The following MSRB3 variants were observed in gnomAD, a reference collection of about 807,000 sequenced individuals.
MSRB3 encodes methionine-R-sulfoxide reductase B3.
MSRB3 carries 13 observed loss-of-function variants against 21.0 expected under a neutral mutation model. The ratio of observed to expected loss-of-function variants is 0.62; its 90% CI spans 0.40 to 0.98. The LOEUF (loss-of-function observed/expected upper bound fraction) is 0.98, where lower values mean the gene tolerates loss of function less well. Ranked by LOEUF, MSRB3 falls within the 50% of genes least tolerant of loss-of-function variation. The pLI is 0.00. For synonymous variants in MSRB3, 87 were observed against 88.6 expected, an observed-to-expected ratio of 0.98 and a Z score of 0.10; for missense variants, 199 against 230.3, an observed-to-expected ratio of 0.86 and a Z score of 0.88.
At chr12:65,306,741 G>A (rs1873675473) in intron 1 of MSRB3, 5 of 711,240 alleles carry the variant, frequency 7.0e-6, no homozygotes, top group Non-Finnish European at 8.6e-6. Flanking sequence ...TGGCTATTTG[G>A]GTAGAAATAC....
At chr12:65,279,767 G>A (rs1434314863) in intron 1 of MSRB3, among the ~76,000 whole-genome samples, 2 of 152,156 alleles carry the variant, frequency 1.3e-5, no homozygotes, top group Non-Finnish European at 2.9e-5. Flanking sequence ...TTAAAAAGCA[G>A]TTATTTTAAA....
At chr12:65,385,906 T>G (rs747482521) in intron 5 of MSRB3, among the ~76,000 whole-genome samples, 4 of 151,900 alleles carry the variant, frequency 2.6e-5, no homozygotes, top group Non-Finnish European at 4.4e-5. Context: ...GTCTACCATC[T>G]AATTCTAACA....
intron 5 of MSRB3, among the ~76,000 whole-genome samples, chr12:65,388,523 A>ATTT (rs1423751152): frequency 6.6e-6 from 1 of 152,168 alleles, no homozygotes; most frequent in Non-Finnish European, 1.5e-5. Flanking sequence ...ATTTTATCTA[A>ATTT]ATCCACTTGT....
At chr12:65,461,983 A>G (rs1883350533) in intron 6 of MSRB3, among the ~76,000 whole-genome samples, 1 of 151,894 alleles carries the variant, frequency 6.6e-6, no homozygotes, top group Admixed American at 6.6e-5. Context: ...TCTACCTTCC[A>G]TGCTTTATAG....
At chr12:65,288,856 A>T (rs1057501173) in intron 1 of MSRB3, among the ~76,000 whole-genome samples, 1 of 152,212 alleles carries the variant, frequency 6.6e-6, no homozygotes, top group African/African-American at 2.4e-5. Context: ...AAACTTGGCT[A>T]ATTTGATGAT....
At chr12:65,315,449 C>T (rs1874230457) in intron 2 of MSRB3, among the ~76,000 whole-genome samples, 2 of 152,004 alleles carry the variant, frequency 1.3e-5, no homozygotes, top group South Asian at 4.2e-4. Context: ...GTGGGCAGAT[C>T]ACTTGAGGCC....
At chr12:65,447,195 CA>C (rs2136691242) in intron 5 of MSRB3, among the ~76,000 whole-genome samples, 1 of 152,250 alleles carries the variant, frequency 6.6e-6, no homozygotes, top group Non-Finnish European at 1.5e-5. Flanking sequence ...GCTAAGGATA[CA>C]AACCCATACT....
chr12:65,430,887 T>C (rs1485404231), intron 5 of MSRB3, among the ~76,000 whole-genome samples: 1 of 152,104 alleles, frequency 6.6e-6, no homozygotes, highest in Non-Finnish European at 1.5e-5. Flanking sequence ...TGCCACTTCA[T>C]ACAGGCAAGT....
At chr12:65,351,005 A>G (rs1277002200) in intron 4 of MSRB3, among the ~76,000 whole-genome samples, 10 of 151,260 alleles carry the variant, frequency 6.6e-5, no homozygotes, top group African/African-American at 2.4e-4. Context: ...TCAACAGAAT[A>G]TACATTTTTT....
chr12:65,463,355 T>C lies in MSRB3; in HGVS notation c.*33T>C, dbSNP rs766489653. 1 of 1,612,336 alleles carries C rather than the reference T, an allele frequency of 6.2e-7. No individual in the cohort carries two copies. The highest frequency in any genetic ancestry group is 2.2e-5 in the East Asian group (1 of 44,862). ...GAGAGTGATGGAAACAAAGTGTACTTAATGCACAGCTTATTAAAAAAATCA... is the reference window on the plus strand; with the variant it reads ...GAGAGTGATGGAAACAAAGTGTACTCAATGCACAGCTTATTAAAAAAATCA... On this transcript the variant is annotated 3_prime_UTR_variant, in exon 7 of 7. Transcript: ENST00000308259.
chr12:65,312,572 T>C (rs1005232446), intron 2 of MSRB3, among the ~76,000 whole-genome samples: 1 of 152,048 alleles, frequency 6.6e-6, no homozygotes, highest in African/African-American at 2.4e-5. Context: ...ACATATAATT[T>C]GTGGTTGTGA....
In MSRB3 at chr12:65,278,869, A is replaced by C. The variant is rs766592740; in HGVS notation, c.-52+4A>C. ...GCTCTGGGAAGTGCGCAGTCCGGTA[A>C]GTTCGGGCTCCCCTCCCCTCTCCTC... On this transcript the variant is annotated splice_donor_region_variant and intron_variant, in intron 1 of 6. Coordinates refer to ENST00000308259, the MANE Select transcript of MSRB3 (RefSeq NM_001031679.3). The C allele has an allele frequency of 4.5e-6, 7 of 1,555,214 alleles. No homozygotes were observed. In the South Asian group the frequency reaches 8.3e-5, roughly 18 times the overall value.
rs1871829801 is a variant in MSRB3, at chr12:65,278,944, G to C, written c.-52+79G>C. ...CCCTGCCACGTTAGGGTGTGACCCCGAGCCGGGATTCCATTCTGCGCCTGC... is the reference window on the plus strand; with the variant it reads ...CCCTGCCACGTTAGGGTGTGACCCCCAGCCGGGATTCCATTCTGCGCCTGC... On this transcript the variant is annotated intron_variant, in intron 1 of 6. Transcript: ENST00000308259. 3.1e-6 allele frequency: 4 copies of C among 1,297,588 alleles called. No homozygotes were observed. The East Asian group carries it at 1.1e-4, about 36-fold the overall frequency. The allele number at this position is 1,297,588 out of a possible 1,614,324, so 80.4% of individuals were successfully genotyped here.
chr12:65,441,233 C>T (rs1882364094), intron 5 of MSRB3, among the ~76,000 whole-genome samples: 1 of 151,864 alleles, frequency 6.6e-6, no homozygotes, highest in Admixed American at 6.6e-5. Flanking sequence ...CTCCTTGTAC[C>T]TACAGGTCTT....
At chr12:65,401,412 A>G (rs533632326) in intron 5 of MSRB3, among the ~76,000 whole-genome samples, 18 of 152,236 alleles carry the variant, frequency 1.2e-4, no homozygotes, top group African/African-American at 4.3e-4. Context: ...AGTCTGTTTT[A>G]TCAGAGACTA....
At chr12:65,436,657 T>C (rs1398970192) in intron 5 of MSRB3, among the ~76,000 whole-genome samples, 1 of 151,940 alleles carries the variant, frequency 6.6e-6, no homozygotes, top group Non-Finnish European at 1.5e-5. Flanking sequence ...ATGTTGTTTA[T>C]TGAGAAGAAA....
At chr12:65,281,743 G>C (rs1872033720) in intron 1 of MSRB3, 2 of 152,220 alleles carry the variant, frequency 1.3e-5, no homozygotes, top group Admixed American at 6.5e-5. Flanking sequence ...TACCGCCAGA[G>C]AGCATCCAAA....
Position 65,465,730 on chromosome 12 carries a change from G to C in MSRB3, c.*2408G>C, listed in dbSNP as rs1363790551. On this transcript the variant is annotated 3_prime_UTR_variant, in exon 7 of 7. Transcript: ENST00000308259. ...AGGCCCTGGGTTCACTCTGGAATTC[G>C]TAGGCTTCACGTCTCTCTAGAAATG... The C allele has an allele frequency of 1.3e-5, 2 of 152,136 alleles. No homozygotes were observed. Among genetic ancestry groups the C allele is most frequent in the South Asian group, 4.2e-4 (2 of 4,810 alleles). 9.4% of individuals were successfully genotyped at this position (152,136 alleles called of 1,614,324 possible).
At chr12:65,401,616 G>A (rs774040555) in intron 5 of MSRB3, among the ~76,000 whole-genome samples, 1 of 152,162 alleles carries the variant, frequency 6.6e-6, no homozygotes, top group Non-Finnish European at 1.5e-5. Context: ...TACATGTAAA[G>A]TTAATATTGT....
Sources: gnomAD v4.1 joint callset for allele counts (sites outside exome capture counted in the v4.1 genomes callset) on GRCh38, gnomAD v4.1.1 for gene constraint, MANE v1.5 for transcripts, NCBI Gene and HGNC (gene_info 2026-07-23, HGNC 2026-07-21) for gene names.